Variants in SLC6A9 observed in about 807,000 individuals in gnomAD.
SLC6A9 encodes the protein solute carrier family 6 member 9, also known as sodium- and chloride-dependent glycine transporter 1.
Under a neutral mutation model 70.9 loss-of-function variants are expected in SLC6A9, and 31 were observed. The ratio of observed to expected loss-of-function variants is 0.44; its 90% CI spans 0.33 to 0.59. The LOEUF (loss-of-function observed/expected upper bound fraction) is 0.59. Ranked by LOEUF, SLC6A9 falls within the 20% of genes least tolerant of loss-of-function variation. SLC6A9 has a pLI of 0.04. For missense variants in SLC6A9, 631 were observed against 845.2 expected (o/e 0.75, Z 3.14); for synonymous variants, 310 against 341.3 (o/e 0.91, Z 1.01).
Position 44,013,479 on chromosome 1 carries a change from C to G in SLC6A9, c.31-2597G>C, listed in dbSNP as rs1448851824. On this transcript the variant is annotated intron_variant, in intron 2 of 13. Transcript: ENST00000372310. This position sits in a 1 kb window ranked among gnomAD's most constrained non-coding sequence, Gnocchi z 5.3. Reference sequence around the variant, plus strand: ...GGGCTGTAACCCAGGGAGGCCACAGCCCCCGCGACAGGGCTGAACCGGGGT... The same window carrying G: ...GGGCTGTAACCCAGGGAGGCCACAGGCCCCGCGACAGGGCTGAACCGGGGT... Among the ~76,000 whole-genome samples, 1 of 152,220 alleles carries G rather than the reference C, an allele frequency of 6.6e-6. No individual in the cohort carries two copies. Among genetic ancestry groups the G allele is most frequent in the Admixed American group, 6.5e-5 (1 of 15,284 alleles).
Position 44,013,500 on chromosome 1 carries a change from G to A in SLC6A9, c.31-2618C>T, listed in dbSNP as rs771185270. Among the ~76,000 whole-genome samples the A allele has an allele frequency of 5.3e-5, 8 of 152,252 alleles. No homozygotes were observed. The highest frequency in any genetic ancestry group is 1.2e-4 in the Non-Finnish European group (8 of 68,040). ...ACAGCCCCCGCGACAGGGCTGAACC[G>A]GGGTTGGCGACGGGGCTCTGGCAGG... On this transcript the variant is annotated intron_variant, in intron 2 of 13. Coordinates refer to ENST00000372310, the MANE Select transcript of SLC6A9 (RefSeq NM_001024845.3). This position sits in a 1 kb window ranked among gnomAD's most constrained non-coding sequence, Gnocchi z 5.3.
Position 44,013,541 on chromosome 1 carries a change from C to T in SLC6A9, c.31-2659G>A, listed in dbSNP as rs940928482. 2.0e-4 allele frequency among the ~76,000 whole-genome samples: 31 copies of T among 152,242 alleles called. No homozygotes were observed. The highest frequency in any genetic ancestry group is 7.5e-4 in the African/African-American group (31 of 41,452). ...CTCTGGCAGGAAGTTTCTGACAACACTAAAGGTCTGCTGTATGCAGAGGAT... is the reference window on the plus strand; with the variant it reads ...CTCTGGCAGGAAGTTTCTGACAACATTAAAGGTCTGCTGTATGCAGAGGAT... On this transcript the variant is annotated intron_variant, in intron 2 of 13. Transcript: ENST00000372310. The surrounding 1 kb of genome is among the most constrained non-coding windows in gnomAD (Gnocchi z 5.3).
At chr1:44,016,247 T>G (rs1435421423) in intron 2 of SLC6A9, 2 of 152,476 alleles carry the variant, frequency 1.3e-5, no homozygotes, top group Admixed American at 1.3e-4. Context: ...GGGGGCGGCG[T>G]CTACCCTCAC....
At chr1:44,029,138 C>G (rs921785698) in intron 1 of SLC6A9, among the ~76,000 whole-genome samples, 1 of 152,172 alleles carries the variant, frequency 6.6e-6, no homozygotes. Context: ...GCCACAGAAC[C>G]CTGGCCCACC....
chr1:44,022,025 G>A (rs916618596), intron 2 of SLC6A9, among the ~76,000 whole-genome samples: 2 of 152,258 alleles, frequency 1.3e-5, no homozygotes, highest in African/African-American at 4.8e-5. Context: ...GCAACAGTGG[G>A]CAAAAGCCAA....
chr1:44,028,494 A>G (rs1266593540), intron 1 of SLC6A9, among the ~76,000 whole-genome samples: 3 of 152,100 alleles, frequency 2.0e-5, no homozygotes, highest in African/African-American at 4.8e-5. Flanking sequence ...GGTGGCTCAC[A>G]CCTGTAATCC....
intron 2 of SLC6A9, among the ~76,000 whole-genome samples, chr1:44,021,143 C>T (rs1327369541): frequency 6.6e-6 from 1 of 152,152 alleles, no homozygotes; most frequent in Non-Finnish European, 1.5e-5. Context: ...TCCTCCAGCC[C>T]CTTGTCCTTT....
chr1:43,998,887 G>A (rs1406880493), intron 12 of SLC6A9, among the ~76,000 whole-genome samples: 1 of 139,546 alleles, frequency 7.2e-6, no homozygotes, highest in African/African-American at 2.6e-5. Context: ...GAGTGAGATT[G>A]GAAATAAAAC....
At position 44,002,432 on chromosome 1, in the gene SLC6A9, G is replaced by A. The variant is rs371880142; in HGVS notation, c.859-16C>T. The A allele has an allele frequency of 4.3e-5, 69 of 1,613,138 alleles. No individual in the cohort carries two copies. The highest frequency in any genetic ancestry group is 5.8e-5 in the Non-Finnish European group (68 of 1,179,232). On this transcript the variant is annotated splice_polypyrimidine_tract_variant and intron_variant, in intron 7 of 13. Transcript: ENST00000372310. This position sits in a 1 kb window ranked among gnomAD's most constrained non-coding sequence, Gnocchi z 5.5. ...CACCCCACACCTGCAGGGAAGGACCGGTGGGTGAGGAGCTGTGGGCAGAGG... is the reference window on the plus strand; with the variant it reads ...CACCCCACACCTGCAGGGAAGGACCAGTGGGTGAGGAGCTGTGGGCAGAGG...
chr1:44,030,160 G>T (rs1188992831), intron 1 of SLC6A9, among the ~76,000 whole-genome samples: 1 of 152,098 alleles, frequency 6.6e-6, no homozygotes, highest in Admixed American at 6.5e-5. Context: ...GCAGGGGCGC[G>T]GTCGGTCTGG....
At chr1:44,014,818 C>T (rs1489550559) in intron 2 of SLC6A9, 1 of 152,130 alleles carries the variant, frequency 6.6e-6, no homozygotes, top group African/African-American at 2.4e-5. Flanking sequence ...AAGCCACTTC[C>T]ACTCTTGGTA....
intron 2 of SLC6A9, chr1:44,017,294 G>A (rs998146311): frequency 1.7e-5 from 24 of 1,453,998 alleles, no homozygotes; most frequent in Non-Finnish European, 2.0e-5. Flanking sequence ...AGCCCAGCAC[G>A]GGTGCTCCGG....
intron 12 of SLC6A9, 123 bp downstream of exon 12, chr1:44,000,644 G>C: frequency 1.5e-6 from 1 of 672,202 alleles, no homozygotes; most frequent in East Asian, 2.7e-5. Context: ...CCAAAGGCCA[G>C]AGTCATGGGT....
intron 1 of SLC6A9, among the ~76,000 whole-genome samples, chr1:44,026,069 C>G (rs752884195): frequency 1.1e-4 from 17 of 152,276 alleles, no homozygotes; most frequent in Non-Finnish European, 1.9e-4. Flanking sequence ...CCCTGGCTGC[C>G]TGGTCTCCTG....
intron 5 of SLC6A9, among the ~76,000 whole-genome samples, chr1:44,007,896 T>C (rs554257033): frequency 2.0e-5 from 3 of 150,314 alleles, no homozygotes; most frequent in South Asian, 4.2e-4. Flanking sequence ...TTCTTTCTTT[T>C]TTTTTTTTTT....
rs1292358027 is a variant in SLC6A9, at chr1:43,997,340, C to T, written c.*205G>A. ...CAACCCTCCACTCCCACCCCTCCCCCCAGCTGCTATCTTGGCATCCAAAGG... is the reference window on the plus strand; with the variant it reads ...CAACCCTCCACTCCCACCCCTCCCCTCAGCTGCTATCTTGGCATCCAAAGG... On this transcript the variant is annotated 3_prime_UTR_variant, in exon 14 of 14. Coordinates refer to ENST00000372310, the MANE Select transcript of SLC6A9 (RefSeq NM_001024845.3). This position sits in a 1 kb window ranked among gnomAD's most constrained non-coding sequence, Gnocchi z 4.4. The T allele has an allele frequency of 5.2e-6, 3 of 581,096 alleles. No homozygotes were observed. The highest frequency in any genetic ancestry group is 5.9e-5 in the East Asian group (2 of 33,968). 36.0% of individuals were successfully genotyped at this position (581,096 alleles called of 1,614,324 possible). A position where few individuals can be genotyped will look rare whatever the true frequency, so the allele number is the denominator to read the frequency against.
intron 5 of SLC6A9, 148 bp from the exon 6 acceptor site, chr1:44,003,133 C>T (rs1233916968): frequency 2.2e-6 from 2 of 914,020 alleles, no homozygotes; most frequent in East Asian, 2.5e-5. Flanking sequence ...TTCAGGGGCC[C>T]AGCCCTGGCC....
chr1:43,997,828 G>A lies in SLC6A9; in HGVS notation c.1707+27C>T. On this transcript the variant is annotated intron_variant, in intron 13 of 13. Coordinates refer to ENST00000372310, the MANE Select transcript of SLC6A9 (RefSeq NM_001024845.3). This position sits in a 1 kb window ranked among gnomAD's most constrained non-coding sequence, Gnocchi z 4.4. ...CCAGCTGGCCCCTCCCATTTTGCCT[G>A]GCTACCCAGCCTGTCCCTGCCCTCA... 6.3e-7 allele frequency: 1 copy of A among 1,591,938 alleles called. No homozygotes were observed. Among genetic ancestry groups the A allele is most frequent in the Non-Finnish European group, 8.6e-7 (1 of 1,166,504 alleles).
intron 1 of SLC6A9, among the ~76,000 whole-genome samples, chr1:44,025,761 C>T (rs1215923744): frequency 1.3e-5 from 2 of 151,146 alleles, no homozygotes; most frequent in Non-Finnish European, 2.9e-5. Flanking sequence ...GATTGCGCGA[C>T]TGCACTCTAG....
Sources: gnomAD v4.1 joint callset for allele counts (sites outside exome capture counted in the v4.1 genomes callset) on GRCh38, gnomAD v4.1.1 for gene constraint, Gnocchi (gnomAD v3.1) non-coding constraint, MANE v1.5 for transcripts, NCBI Gene and HGNC (gene_info 2026-07-23, HGNC 2026-07-21) for gene names.